Variants in CDKL5 observed in about 807,000 individuals in gnomAD.
The protein encoded by CDKL5 is cyclin dependent kinase like 5.
Under a neutral mutation model 61.7 loss-of-function variants are expected in CDKL5, and 8 were observed. That is an observed-to-expected ratio of 0.13 (90% CI 0.08 to 0.23). The LOEUF is 0.23. Among genes scored for constraint, CDKL5 ranks in the 10% least tolerant of loss-of-function variants. The pLI is 1.00. For synonymous variants in CDKL5, 275 were observed against 272.3 expected (o/e 1.01, Z -0.10); for missense variants, 440 against 734.5 (o/e 0.60, Z 4.63).
At chrX:18,457,135 C>G (rs1932161608) in intron 1 of CDKL5, among the ~76,000 whole-genome samples, 1 of 110,107 alleles carries the variant, frequency 9.1e-6, no homozygotes, top group African/African-American at 3.3e-5. Context: ...CTTCTTTCCT[C>G]AAACTCAACT....
At chrX:18,519,775 A>G (rs1175412532) in intron 3 of CDKL5, among the ~76,000 whole-genome samples, 1 of 112,516 alleles carries the variant, frequency 8.9e-6, no homozygotes, top group African/African-American at 3.2e-5. Context: ...GGACATTCTC[A>G]TAAATATGAA....
At chrX:18,605,966 G>A (rs1459523772) in intron 12 of CDKL5, among the ~76,000 whole-genome samples, 1 of 111,967 alleles carries the variant, frequency 8.9e-6, no homozygotes, top group Non-Finnish European at 1.9e-5. Flanking sequence ...GGCAGATCAC[G>A]AGGTCAGGAG....
At chrX:18,526,639 G>GT (rs763657885) in intron 3 of CDKL5, among the ~76,000 whole-genome samples, 37 of 110,516 alleles carry the variant, frequency 3.3e-4, no homozygotes, top group African/African-American at 1.1e-3. Flanking sequence ...TGGGAGGTTT[G>GT]TTTTTTTTCT....
intron 1 of CDKL5, among the ~76,000 whole-genome samples, chrX:18,462,928 G>A (rs1249771904): frequency 1.8e-5 from 2 of 111,053 alleles, no homozygotes; most frequent in Admixed American, 9.7e-5. Context: ...GGAGGCTGAG[G>A]CAGGAGAATC....
chrX:18,448,219 T>C (rs756584499), intron 1 of CDKL5, among the ~76,000 whole-genome samples: 7 of 112,445 alleles, frequency 6.2e-5, no homozygotes, highest in Non-Finnish European at 1.3e-4. Context: ...CCAAGACAGA[T>C]AGTGGGGTCT....
intron 1 of CDKL5, among the ~76,000 whole-genome samples, chrX:18,486,057 A>G (rs971981693): frequency 1.8e-5 from 2 of 111,590 alleles, no homozygotes; most frequent in African/African-American, 6.5e-5. Flanking sequence ...AGCATGGTAT[A>G]GAAGCCTTTT....
intron 1 of CDKL5, among the ~76,000 whole-genome samples, chrX:18,435,183 A>G (rs1931584091): frequency 9.0e-6 from 1 of 111,316 alleles, no homozygotes; most frequent in South Asian, 3.7e-4. Flanking sequence ...GTCAGATGTG[A>G]CATATCCTAG....
intron 3 of CDKL5, among the ~76,000 whole-genome samples, chrX:18,523,890 A>G (rs1309801616): frequency 1.8e-5 from 2 of 111,796 alleles, no homozygotes; most frequent in Non-Finnish European, 3.8e-5. Context: ...TGGTAATTAC[A>G]TGTTTAATAT....
chrX:18,501,173 T>G (rs373316551), intron 1 of CDKL5, among the ~76,000 whole-genome samples: 7 of 110,021 alleles, frequency 6.4e-5, no homozygotes, highest in African/African-American at 2.3e-4. Context: ...TTTTTTTGTT[T>G]GTTTGTTTTT....
chrX:18,431,464 C>T (rs1202319300), intron 1 of CDKL5, among the ~76,000 whole-genome samples: 6 of 102,752 alleles, frequency 5.8e-5, no homozygotes, highest in African/African-American at 1.4e-4. Flanking sequence ...CTCTGTTGCT[C>T]AGGCTGGAGT....
In CDKL5 at chrX:18,635,292, A is replaced by G; in HGVS notation, c.*6535A>G. 1 of 747,598 alleles carries G rather than the reference A, an allele frequency of 1.3e-6. No homozygotes were observed. The highest frequency in any genetic ancestry group is 1.6e-6 in the Non-Finnish European group (1 of 633,301). 61.6% of individuals were successfully genotyped at this position (747,598 alleles called of 1,213,427 possible). A position where few individuals can be genotyped will look rare whatever the true frequency, so the allele number is the denominator to read the frequency against. ...ATTACACAAATATCTATTCCGTGAT[A>G]ACCTTCATTATCAGCATGAAATGGT... On this transcript the variant is annotated 3_prime_UTR_variant, in exon 18 of 18. Coordinates refer to ENST00000623535, the MANE Select transcript of CDKL5 (RefSeq NM_001323289.2).
chrX:18,637,316 G>A lies in CDKL5; in HGVS notation c.*8559G>A, dbSNP rs1811707136. The A allele has an allele frequency of 9.3e-6, 1 of 108,015 alleles. No homozygotes were observed. The highest frequency in any genetic ancestry group is 9.9e-5 in the Admixed American group (1 of 10,090). The allele number at this position is 108,015 out of a possible 1,213,427, so 8.9% of individuals were successfully genotyped here. ...GCAGGAGAATCACTTGAACCCAAAA[G>A]GCAGAGGTTGCAGTGAGCCGAGATC... is the stretch of plus-strand genomic sequence containing the variant. On this transcript the variant is annotated 3_prime_UTR_variant, in exon 18 of 18. Transcript: ENST00000623535.
intron 5 of CDKL5, 77 bp from the exon 6 acceptor site, chrX:18,579,771 G>T: frequency 1.0e-6 from 1 of 983,859 alleles, no homozygotes; most frequent in Non-Finnish European, 1.4e-6. Context: ...AATTATTCTA[G>T]ATGCTTTGTA....
Position 18,638,960 on chromosome X carries a change from A to G in CDKL5, c.*10203A>G, listed in dbSNP as rs905569912. Reference sequence around the variant, plus strand: ...GGGGAAAGAATAGTCTTTTCAGCAAATAGTGGTGGGACAACTGGATATCCA... The same window carrying G: ...GGGGAAAGAATAGTCTTTTCAGCAAGTAGTGGTGGGACAACTGGATATCCA... On this transcript the variant is annotated 3_prime_UTR_variant, in exon 18 of 18. Coordinates refer to ENST00000623535, the MANE Select transcript of CDKL5 (RefSeq NM_001323289.2). 1.8e-5 allele frequency among the ~76,000 whole-genome samples: 2 copies of G among 112,196 alleles called. No homozygotes were observed. Among genetic ancestry groups the G allele is most frequent in the Non-Finnish European group, 3.8e-5 (2 of 53,305 alleles).
In CDKL5 at chrX:18,468,076, T is replaced by A. The variant is rs551078672; in HGVS notation, c.-162-38859T>A. Among the ~76,000 whole-genome samples the A allele has an allele frequency of 2.2e-4, 25 of 111,948 alleles. No individual in the cohort carries two copies. In the South Asian group the frequency reaches 8.8e-3, roughly 40 times the overall value. On this transcript the variant is annotated intron_variant, in intron 1 of 17. Coordinates refer to ENST00000623535, the MANE Select transcript of CDKL5 (RefSeq NM_001323289.2). ...TTTATTATTCCTGTAGATTAAAAAATTTTAAATATCAAGTTTAGAGAAAAA... is the reference window on the plus strand; with the variant it reads ...TTTATTATTCCTGTAGATTAAAAAAATTTAAATATCAAGTTTAGAGAAAAA...
At chrX:18,508,542 A>C (rs1467043847) in intron 2 of CDKL5, among the ~76,000 whole-genome samples, 1 of 111,420 alleles carries the variant, frequency 9.0e-6, no homozygotes, top group East Asian at 2.8e-4. Flanking sequence ...TGCTGACTGG[A>C]GAAGGCTAGC....
intron 1 of CDKL5, among the ~76,000 whole-genome samples, chrX:18,434,310 A>C (rs767189814): frequency 8.9e-6 from 1 of 111,931 alleles, no homozygotes; most frequent in Admixed American, 9.6e-5. Flanking sequence ...TTAGATGAAC[A>C]TTTCTCTATG....
At chrX:18,600,345 A>T (rs1452470150) in intron 11 of CDKL5, among the ~76,000 whole-genome samples, 1 of 111,623 alleles carries the variant, frequency 9.0e-6, no homozygotes, top group Non-Finnish European at 1.9e-5. Context: ...AATTTTTAGG[A>T]CACTAAGTCA....
At chrX:18,534,000 C>G (rs762853627) in intron 3 of CDKL5, among the ~76,000 whole-genome samples, 2 of 112,087 alleles carry the variant, frequency 1.8e-5, no homozygotes, top group African/African-American at 6.5e-5. Flanking sequence ...TGTAATCTCA[C>G]TTTCTGTCCC....
Sources: gnomAD v4.1 joint callset for allele counts (sites outside exome capture counted in the v4.1 genomes callset) on GRCh38, gnomAD v4.1.1 for gene constraint, MANE v1.5 for transcripts, NCBI Gene and HGNC (gene_info 2026-07-23, HGNC 2026-07-21) for gene names.